The following SDC3 variants were observed in gnomAD, a reference collection of about 807,000 sequenced individuals.
The protein encoded by SDC3 is syndecan 3.
SDC3 carries 13 observed loss-of-function variants against 24.4 expected under a neutral mutation model. That is an observed-to-expected ratio of 0.53 (90% CI 0.35 to 0.85). The LOEUF is 0.85. Among genes scored for constraint, SDC3 ranks in the 40% least tolerant of loss-of-function variants. SDC3 has a pLI of 0.01. For missense variants in SDC3, 571 were observed against 584.5 expected, an observed-to-expected ratio of 0.98 and a Z score of 0.24; for synonymous variants, 295 against 260.9, an observed-to-expected ratio of 1.13 and a Z score of -1.26.
intron 1 of SDC3, among the ~76,000 whole-genome samples, chr1:30,900,012 G>A (rs1251289929): frequency 6.6e-6 from 1 of 152,152 alleles, no homozygotes; most frequent in Non-Finnish European, 1.5e-5. Context: ...GATCAAAATG[G>A]AGTTTCTTAT....
At chr1:30,885,826 T>C (rs1639819218) in intron 1 of SDC3, among the ~76,000 whole-genome samples, 1 of 152,152 alleles carries the variant, frequency 6.6e-6, no homozygotes, top group South Asian at 2.1e-4. Context: ...CCAGTCTCTG[T>C]TGAGGTGCAG....
chr1:30,899,034 G>C (rs149814085), intron 1 of SDC3, among the ~76,000 whole-genome samples: 1 of 152,340 alleles, frequency 6.6e-6, no homozygotes, highest in African/African-American at 2.4e-5. Context: ...TCTGACAGAA[G>C]AGGAGACTAA....
intron 1 of SDC3, among the ~76,000 whole-genome samples, chr1:30,899,278 G>A (rs536216090): frequency 1.3e-5 from 2 of 152,280 alleles, no homozygotes; most frequent in African/African-American, 4.8e-5. Context: ...GTAGAGATGG[G>A]GTTTCACCAT....
In SDC3 at chr1:30,874,357, C is replaced by T. The variant is rs2124306581; in HGVS notation, c.1102G>A (p.Gly368Ser). 1 of 1,613,778 alleles carries T rather than the reference C, an allele frequency of 6.2e-7. No homozygotes were observed. The highest frequency in any genetic ancestry group is 2.2e-5 in the East Asian group (1 of 44,880). The change falls in exon 4 of 5, where the codon GGC becomes AGC. Residue 368 changes from glycine (G) to serine (S), a missense_variant. Transcript: ENST00000339394. Reference sequence around the variant, plus strand: ...TGAGGCAGCTGAGCAGCTGAGCTGCCCGAGTCGATGGCATTGTCCAGGAGG... The same window carrying T: ...TGAGGCAGCTGAGCAGCTGAGCTGCTCGAGTCGATGGCATTGTCCAGGAGG... ...PGLLDNAIDS[G>S]SSAAQLPQKS...
Position 30,873,009 on chromosome 1 carries a change from A to G in SDC3, c.*202T>C. Reference sequence around the variant, plus strand: ...GAACAAGAGATGAGCTCGTAAGGGCACAGTCTGGGGCAGATGGCAGCAGCC... The same window carrying G: ...GAACAAGAGATGAGCTCGTAAGGGCGCAGTCTGGGGCAGATGGCAGCAGCC... On this transcript the variant is annotated 3_prime_UTR_variant, in exon 5 of 5. Coordinates refer to ENST00000339394, the MANE Select transcript of SDC3 (RefSeq NM_014654.4). 1.7e-6 allele frequency: 1 copy of G among 581,906 alleles called. No individual in the cohort carries two copies. The highest frequency in any genetic ancestry group is 3.1e-6 in the Non-Finnish European group (1 of 327,348). 36.0% of individuals were successfully genotyped at this position (581,906 alleles called of 1,614,324 possible).
chr1:30,883,076 A>G (rs575368070), intron 1 of SDC3, among the ~76,000 whole-genome samples: 65 of 152,308 alleles, frequency 4.3e-4, no homozygotes, highest in Non-Finnish European at 6.5e-4. Context: ...CAACCTCCTC[A>G]TGAGGGAAGC....
At chr1:30,877,368 C>T (rs1273565453) in intron 2 of SDC3, 4 of 701,804 alleles carry the variant, frequency 5.7e-6, no homozygotes, top group Non-Finnish European at 9.6e-6. Flanking sequence ...CTTCTCTCTG[C>T]CAAGTCAAAA....
chr1:30,876,759 C>T lies in SDC3; in HGVS notation c.663G>A (p.Thr221=), dbSNP rs772539098. The change falls in exon 3 of 5, where the codon ACG becomes ACA. Residue 221 remains threonine, a synonymous_variant. Transcript: ENST00000339394. The stretch of plus-strand genomic sequence containing the variant: ...GCGCCTCGGGGGTAGTGGCCCGTGC[C>T]GTAGCCACTGTGGTCAGTGGGAGAG... ...LLPLPLTTVA[T]ARATTPEAPS... The T allele has an allele frequency of 1.7e-4, 274 of 1,588,836 alleles. No individual in the cohort carries two copies. The highest frequency in any genetic ancestry group is 2.2e-4 in the Non-Finnish European group (258 of 1,166,852).
chr1:30,905,805 G>A (rs1638507741), intron 1 of SDC3, among the ~76,000 whole-genome samples: 1 of 152,006 alleles, frequency 6.6e-6, no homozygotes, highest in Admixed American at 6.6e-5. Context: ...TCAGAGTCCT[G>A]GTAACTTGGT....
In SDC3 at chr1:30,873,243, T is replaced by G. The variant is rs754822168; in HGVS notation, c.1297A>C (p.Lys433Gln). 6.2e-7 allele frequency: 1 copy of G among 1,613,768 alleles called. No homozygotes were observed. The highest frequency in any genetic ancestry group is 8.5e-7 in the Non-Finnish European group (1 of 1,179,702). ...TAGAACTCCTCCTGCTTGTCAGGCT[T>G]CTGGTATGTGACGCTCGCCTGCTTG... ...EPKQASVTYQ[K>Q]PDKQEEFYA Residue 433 changes from lysine (K) to glutamine (Q), a missense_variant, in exon 5 of 5, where the codon AAG (lysine) becomes CAG (glutamine). This residue lies in a region of SDC3 where 74 missense variants were observed against 112.9 expected (regional missense o/e 0.66). Coordinates refer to ENST00000339394, the MANE Select transcript of SDC3 (RefSeq NM_014654.4).
chr1:30,905,863 G>C (rs1457833307), intron 1 of SDC3, among the ~76,000 whole-genome samples: 1 of 118,822 alleles, frequency 8.4e-6, no homozygotes, highest in East Asian at 2.9e-4. Context: ...GACAGACACA[G>C]ACACACAAAC....
At chr1:30,895,017 G>C (rs1639980778) in intron 1 of SDC3, among the ~76,000 whole-genome samples, 1 of 152,062 alleles carries the variant, frequency 6.6e-6, no homozygotes, top group South Asian at 2.1e-4. Flanking sequence ...TCCTCCATTT[G>C]TAAGCATGCA....
chr1:30,879,079 G>A (rs563740616), intron 1 of SDC3: 5 of 226,764 alleles, frequency 2.2e-5, no homozygotes, highest in Admixed American at 5.1e-5. Context: ...CAGCCGCAAT[G>A]TTGGGCTGGC....
At chr1:30,894,573 T>A (rs912769940) in intron 1 of SDC3, among the ~76,000 whole-genome samples, 13 of 128,900 alleles carry the variant, frequency 1.0e-4, no homozygotes, top group Non-Finnish European at 1.3e-4. Flanking sequence ...AGTGTGTGGG[T>A]GTATGTGTGG....
At chr1:30,898,858 CCTG>C (rs1472878697) in intron 1 of SDC3, among the ~76,000 whole-genome samples, 2 of 152,234 alleles carry the variant, frequency 1.3e-5, no homozygotes, top group Non-Finnish European at 2.9e-5. Context: ...GAACAGGCTG[CCTG>C]CTACCACTTG....
At chr1:30,885,376 G>A (rs1302343160) in intron 1 of SDC3, among the ~76,000 whole-genome samples, 1 of 152,116 alleles carries the variant, frequency 6.6e-6, no homozygotes, top group Non-Finnish European at 1.5e-5. Flanking sequence ...GTTCCCAGAG[G>A]CTCTCTCTGG....
At chr1:30,896,062 G>C (rs1208664394) in intron 1 of SDC3, among the ~76,000 whole-genome samples, 1 of 152,140 alleles carries the variant, frequency 6.6e-6, no homozygotes, top group Non-Finnish European at 1.5e-5. Flanking sequence ...GGTGCCCACT[G>C]CTCCCTGCTG....
At chr1:30,894,497 GGTGA>G (rs1233731730) in intron 1 of SDC3, among the ~76,000 whole-genome samples, 13 of 68,212 alleles carry the variant, frequency 1.9e-4, no homozygotes, top group African/African-American at 3.0e-4. Flanking sequence ...GAATGTGGGG[GGTGA>G]GTATGAGTGG....
Position 30,908,464 on chromosome 1 carries a change from C to A in SDC3, c.123G>T (p.Ala41=). The part of the protein sequence containing the change: ...LLPPLLLLLL[A]GRAAGAQRWR... ...TGTCACTCACCCCCGCGGCGCGCCC[C>A]GCCAGCAGCAGCAGCAGCAGCGGTG... is the stretch of plus-strand genomic sequence containing the variant. Residue 41 remains alanine, a synonymous_variant, in exon 1 of 5, where the codon GCG becomes GCT. Coordinates refer to ENST00000339394, the MANE Select transcript of SDC3 (RefSeq NM_014654.4). The A allele has an allele frequency of 9.6e-7, 1 of 1,036,936 alleles. No individual in the cohort carries two copies. Among genetic ancestry groups the A allele is most frequent in the South Asian group, 3.1e-5 (1 of 32,568 alleles). The allele number at this position is 1,036,936 out of a possible 1,614,324, so 64.2% of individuals were successfully genotyped here. A position where few individuals can be genotyped will look rare whatever the true frequency, so the allele number is the denominator to read the frequency against.
Sources: gnomAD v4.1 joint callset for allele counts (sites outside exome capture counted in the v4.1 genomes callset) on GRCh38, gnomAD v4.1.1 for gene constraint, gnomAD v4.1.1 regional missense constraint, MANE v1.5 for transcripts, NCBI Gene and HGNC (gene_info 2026-07-23, HGNC 2026-07-21) for gene names.